Variants in HS1BP3 observed in about 807,000 individuals in gnomAD.
HS1BP3 encodes HCLS1-binding protein 3.
HS1BP3 carries 32 observed loss-of-function variants against 33.5 expected under a neutral mutation model. The observed-to-expected ratio is 0.95, with a 90% confidence interval of 0.72 to 1.28. HS1BP3 has a LOEUF of 1.28. Ranked by LOEUF, HS1BP3 falls within the 50% of genes most tolerant of loss-of-function variation. HS1BP3 has a pLI of 0.00. For synonymous variants in HS1BP3, 187 were observed against 209.2 expected, an observed-to-expected ratio of 0.89 and a Z score of 0.92; for missense variants, 486 against 502.3, an observed-to-expected ratio of 0.97 and a Z score of 0.31.
chr2:20,624,365 T>C (rs1309416461), intron 5 of HS1BP3, among the ~76,000 whole-genome samples: 1 of 152,084 alleles, frequency 6.6e-6, no homozygotes, highest in African/African-American at 2.4e-5. Flanking sequence ...GACCTGGGCA[T>C]GTGAGGAAAG....
chr2:20,639,268 GC>G lies in HS1BP3; in HGVS notation c.407-617del, dbSNP rs151310356. Among the ~76,000 whole-genome samples, 1,483 of 152,362 alleles carry G rather than the reference GC, an allele frequency of 9.7e-3. 24 individuals carry two copies. The highest frequency in any genetic ancestry group is 0.034 in the African/African-American group (1,422 of 41,580). ...GAAGTGTGGTCTTCAGACAGAGAAT[GC>G]CCCCTGTGTGACCACAATGAGGTAA... is the stretch of plus-strand genomic sequence containing the variant. On this transcript the variant is annotated intron_variant, in intron 3 of 6. Transcript: ENST00000304031.
chr2:20,643,955 C>T lies in HS1BP3; in HGVS notation c.198+1385G>A, dbSNP rs115571456. On this transcript the variant is annotated intron_variant, in intron 2 of 6. Coordinates refer to ENST00000304031, the MANE Select transcript of HS1BP3 (RefSeq NM_022460.4). ...CTCTTAAAAAAAGGAAACATTTGTG[C>T]TGTAAATTTCTCTTAAAATTTAGTG... is the stretch of plus-strand genomic sequence containing the variant. Among the ~76,000 whole-genome samples the T allele has an allele frequency of 3.7e-3, 556 of 152,206 alleles. 5 individuals carry two copies. Among genetic ancestry groups the T allele is most frequent in the African/African-American group, 0.013 (536 of 41,506 alleles).
intron 5 of HS1BP3, among the ~76,000 whole-genome samples, chr2:20,581,645 C>T (rs1335750225): frequency 6.6e-6 from 1 of 152,228 alleles, no homozygotes; most frequent in Non-Finnish European, 1.5e-5. Context: ...CCACCGCACC[C>T]AGCCAACACA....
At chr2:20,578,175 C>T (rs1382599545) in intron 5 of HS1BP3, among the ~76,000 whole-genome samples, 4 of 151,726 alleles carry the variant, frequency 2.6e-5, no homozygotes, top group South Asian at 4.2e-4. Flanking sequence ...AATCAGGGCT[C>T]GGGAGAGTGG....
At chr2:20,612,958 G>A (rs568689013), downstream of HS1BP3, among the ~76,000 whole-genome samples, 6 of 152,212 alleles carry the variant, frequency 3.9e-5, no homozygotes, top group African/African-American at 9.6e-5. Context: ...GTGAGGTCCC[G>A]ATGCAAATCC....
chr2:20,606,502 G>T, intron 2 of HS1BP3: 1 of 469,562 alleles, frequency 2.1e-6, no homozygotes, highest in Non-Finnish European at 4.3e-6. Flanking sequence ...AGGTAGTTTT[G>T]TCAAACAAAA....
chr2:20,637,741 C>G (rs1226538632), intron 4 of HS1BP3: 1 of 152,556 alleles, frequency 6.6e-6, no homozygotes, highest in Non-Finnish European at 1.5e-5. Flanking sequence ...GACCTACACT[C>G]ATCTGGCGCC....
In HS1BP3 at chr2:20,645,523, G is replaced by A; in HGVS notation, c.33-18C>T. The stretch of plus-strand genomic sequence containing the variant: ...GAAGTCGCCTGCCAGGGGAAAAGAA[G>A]GCAGGTGGGGTTCAGGGTCAAGGCA... On this transcript the variant is annotated intron_variant, in intron 1 of 6. Transcript: ENST00000304031. 2 of 1,604,426 alleles carry A rather than the reference G, an allele frequency of 1.2e-6. No homozygotes were observed. The highest frequency in any genetic ancestry group is 1.1e-5 in the South Asian group (1 of 89,894).
intron 6 of HS1BP3, chr2:20,622,219 T>C (rs2149290743): frequency 1.5e-6 from 2 of 1,296,894 alleles, no homozygotes; most frequent in Non-Finnish European, 2.0e-6. Context: ...TATGAGGAAG[T>C]CCAACTACTC....
At chr2:20,617,656 G>T, downstream of HS1BP3, among the ~76,000 whole-genome samples, 1 of 152,106 alleles carries the variant, frequency 6.6e-6, no homozygotes, top group South Asian at 2.1e-4. Context: ...TCAGAAAAGG[G>T]TCTGAGGTCC....
chr2:20,627,098 T>C (rs1694809617), intron 4 of HS1BP3, among the ~76,000 whole-genome samples: 1 of 152,190 alleles, frequency 6.6e-6, no homozygotes, highest in Admixed American at 6.5e-5. Flanking sequence ...GCCCGATGCT[T>C]CTCTCCCCTT....
At chr2:20,616,784 G>A (rs1694435936), downstream of HS1BP3, among the ~76,000 whole-genome samples, 1 of 152,110 alleles carries the variant, frequency 6.6e-6, no homozygotes, top group Non-Finnish European at 1.5e-5. Context: ...CTCCCTGGTG[G>A]TCTGCCATCA....
intron 2 of HS1BP3, among the ~76,000 whole-genome samples, chr2:20,605,036 C>A (rs1303242026): frequency 6.6e-6 from 1 of 152,168 alleles, no homozygotes; most frequent in Non-Finnish European, 1.5e-5. Flanking sequence ...TCTCAGGATG[C>A]CTTTTGTTGC....
intron 3 of HS1BP3, among the ~76,000 whole-genome samples, chr2:20,593,229 A>G (rs577606553): frequency 2.3e-4 from 35 of 151,994 alleles, no homozygotes; most frequent in Non-Finnish European, 4.9e-4. Context: ...CCCTGGCCAC[A>G]TTGTCTAAAC....
intron 5 of HS1BP3, among the ~76,000 whole-genome samples, chr2:20,575,290 G>A (rs146225700): frequency 6.2e-4 from 95 of 152,324 alleles, no homozygotes; most frequent in South Asian, 1.0e-3. Context: ...AATCAGGGCC[G>A]CAGCCTGGAC....
At chr2:20,558,581 G>A (rs567709446), downstream of HS1BP3, among the ~76,000 whole-genome samples, 54 of 152,320 alleles carry the variant, frequency 3.5e-4, no homozygotes, top group African/African-American at 1.1e-3. Context: ...CAGGCACTGC[G>A]CTGGCACGAA....
chr2:20,561,721 T>C (rs894546391), intron 5 of HS1BP3, among the ~76,000 whole-genome samples: 11 of 152,140 alleles, frequency 7.2e-5, no homozygotes, highest in Middle Eastern at 3.2e-3. Flanking sequence ...ATAAGAAATA[T>C]ATATTTTGTC....
intron 5 of HS1BP3, among the ~76,000 whole-genome samples, chr2:20,571,129 G>A (rs1693260047): frequency 6.6e-6 from 1 of 152,206 alleles, no homozygotes; most frequent in Admixed American, 6.5e-5. Context: ...CTTAGTGTTT[G>A]CTAGACTTTG....
At position 20,649,169 on chromosome 2, in the gene HS1BP3, C is replaced by A. The variant is rs139029679; in HGVS notation, c.32+1863G>T. ...CTTGAAATTAAATCTGATGGCCCCT[C>A]CACAGCCTTCTCGGCCTTTCCTGAT... On this transcript the variant is annotated intron_variant, in intron 1 of 6. Coordinates refer to ENST00000304031, the MANE Select transcript of HS1BP3 (RefSeq NM_022460.4). 1.6e-3 allele frequency among the ~76,000 whole-genome samples: 243 copies of A among 152,332 alleles called. 3 individuals carry two copies. Among genetic ancestry groups the A allele is most frequent in the East Asian group, 2.5e-3 (13 of 5,186 alleles).
Sources: allele counts gnomAD v4.1 joint callset (sites outside exome capture counted in the v4.1 genomes callset), GRCh38; gene constraint gnomAD v4.1.1; transcripts MANE v1.5; gene names NCBI Gene and HGNC (gene_info 2026-07-23, HGNC 2026-07-21).